The following PLPPR3 variants were observed in gnomAD, a reference collection of about 807,000 sequenced individuals.
PLPPR3 encodes the protein phospholipid phosphatase-related protein type 3.
PLPPR3 carries 14 observed loss-of-function variants against 27.3 expected under a neutral mutation model. The ratio of observed to expected loss-of-function variants is 0.51; its 90% confidence interval spans 0.34 to 0.80. The LOEUF (loss-of-function observed/expected upper bound fraction) is 0.80, where lower values mean the gene tolerates loss of function less well. PLPPR3 is among the 30% of genes least tolerant of loss of function. The pLI is 0.01. For synonymous variants in PLPPR3, 671 were observed against 508.0 expected, an observed-to-expected ratio of 1.32 and a Z score of -4.32; for missense variants, 1,287 against 1,056.9, an observed-to-expected ratio of 1.22 and a Z score of -3.02.
Position 812,687 on chromosome 19 carries a change from G to A in PLPPR3, c.2040C>T (p.Gly680=). 9.5e-7 allele frequency: 1 copy of A among 1,048,070 alleles called. No homozygotes were observed. The highest frequency in any genetic ancestry group is 1.1e-6 in the Non-Finnish European group (1 of 869,694). The allele number at this position is 1,048,070 out of a possible 1,614,324, so 64.9% of individuals were successfully genotyped here. A position where few individuals can be genotyped will look rare whatever the true frequency, so the allele number is the denominator to read the frequency against. ...GGCGCCGCAGCGTGGACTCCCGGCTGCCCGGGCCCAGCGCCCCATCGGCCG... is the reference window on the plus strand; with the variant it reads ...GGCGCCGCAGCGTGGACTCCCGGCTACCCGGGCCCAGCGCCCCATCGGCCG... ...LGAADGALGP[G]SRESTLRRHA... is the part of the protein sequence containing the mutation. Residue 680 remains glycine, a synonymous_variant, in exon 8 of 8, where the codon GGC becomes GGT. Coordinates refer to ENST00000520876, the MANE Select transcript of PLPPR3 (RefSeq NM_001270366.2).
upstream of PLPPR3, among the ~76,000 whole-genome samples, chr19:823,453 A>C (rs1399763335): frequency 2.9e-5 from 4 of 140,104 alleles, no homozygotes; most frequent in Non-Finnish European, 5.9e-5. Flanking sequence ...AAAAAAAAAA[A>C]AAAAACAAAC....
chr19:818,297 C>T (rs183396992), intron 2 of PLPPR3, among the ~76,000 whole-genome samples: 5 of 151,922 alleles, frequency 3.3e-5, no homozygotes, highest in Admixed American at 2.0e-4. Context: ...GTGGGAGAAT[C>T]GTTTGAGGAC....
rs750936117 is a variant in PLPPR3 at position 815,262 on chromosome 19, G to A, written c.327C>T (p.Pro109=). The A allele has an allele frequency of 2.7e-5, 43 of 1,563,712 alleles. 1 individual carries two copies. The highest frequency in any genetic ancestry group is 1.7e-4 in the Middle Eastern group (1 of 6,028). ...CGTTGATGCTGCCCTCCGCCCCGGC[G>A]GGCCCCCCGGCACGGCCCCACAGCC... The part of the protein sequence containing the change: ...QSRLWGRAGG[P]AGAEGSINAG... Residue 109 remains proline, a synonymous_variant, in exon 4 of 8, where the codon CCC becomes CCT. Transcript: ENST00000520876.
intron 2 of PLPPR3, among the ~76,000 whole-genome samples, chr19:816,803 TACCC>T (rs1446769885): frequency 9.6e-6 from 1 of 103,672 alleles, no homozygotes; most frequent in Non-Finnish European, 1.8e-5. Context: ...CACCCAACAG[TACCC>T]ATCCATCCAT....
chr19:818,963 T>C (rs1568287017), intron 2 of PLPPR3, among the ~76,000 whole-genome samples: 1 of 91,724 alleles, frequency 1.1e-5, no homozygotes, highest in Admixed American at 1.2e-4. Flanking sequence ...TCGGCCTTAT[T>C]ATTATTATTT....
At chr19:821,449 G>A (rs1264278537) in intron 2 of PLPPR3, 36 bp downstream of exon 2, 1 of 1,496,868 alleles carries the variant, frequency 6.7e-7, no homozygotes, top group South Asian at 1.3e-5. Context: ...CGGAACCGAG[G>A]CGTCTCCCCC....
chr19:814,084 A>C, intron 7 of PLPPR3, among the ~76,000 whole-genome samples, 189 bp from the exon 8 acceptor site: 1 of 151,574 alleles, frequency 6.6e-6, no homozygotes, highest in African/African-American at 2.4e-5. Context: ...CGGGATTCTG[A>C]CTCCAGCATT....
Position 813,303 on chromosome 19 carries a change from C to G in PLPPR3, c.1424G>C (p.Arg475Pro), listed in dbSNP as rs1033078006. 3.4e-6 allele frequency: 5 copies of G among 1,454,182 alleles called. No individual in the cohort carries two copies. In the Admixed American group the frequency reaches 8.6e-5, roughly 25 times the overall value. The allele number at this position is 1,454,182 out of a possible 1,614,324, so 90.1% of individuals were successfully genotyped here. The change falls in exon 8 of 8, where the codon CGG becomes CCG. Residue 475 changes from arginine to proline, a missense_variant. Transcript: ENST00000520876. The surrounding 1 kb of genome is among the most constrained non-coding windows in gnomAD (Gnocchi z 4.1). Reference protein sequence around the residue: ...PPSLYPTVQARPGLGPRVILP... With the variant: ...PPSLYPTVQAPPGLGPRVILP... ...GATGACCCGAGGCCCCAGCCCCGGC[C>G]GCGCCTGCACGGTGGGGTAGAGCGA...
rs735657 is a variant in PLPPR3, at chr19:815,319, C to T, written c.270G>A (p.Val90=). The T allele has an allele frequency of 0.032, 48,649 of 1,542,088 alleles. 956 individuals carry two copies. Among genetic ancestry groups the T allele is most frequent in the Admixed American group, 0.075 (3,808 of 50,544 alleles). ...AFAAPAASIM[V]AEGMLYCLQS... is the part of the protein sequence containing the mutation. The stretch of plus-strand genomic sequence containing the variant: ...GCAGACAGTACAACATGCCCTCGGC[C>T]ACCATGATCTGCCAACAGGGAGGGG... The change falls in exon 4 of 8, where the codon GTG becomes GTA. Residue 90 remains valine (V), a synonymous_variant. Coordinates refer to ENST00000520876, the MANE Select transcript of PLPPR3 (RefSeq NM_001270366.2).
In PLPPR3 at chr19:813,712, C is replaced by A. The variant is rs1178637656; in HGVS notation, c.1015G>T (p.Val339Leu). The A allele has an allele frequency of 6.6e-7, 1 of 1,524,972 alleles. No individual in the cohort carries two copies. The highest frequency in any genetic ancestry group is 2.0e-5 in the Admixed American group (1 of 48,888). 94.5% of individuals were successfully genotyped at this position (1,524,972 alleles called of 1,614,324 possible). ...PGRLEGAPRP[V>L]AREKTSLGSL... Reference sequence around the variant, plus strand: ...CCCAGCGAGGTCTTCTCGCGGGCCACGGGCCGGGGCGCGCCCTCCAGCCGC... The same window carrying A: ...CCCAGCGAGGTCTTCTCGCGGGCCAAGGGCCGGGGCGCGCCCTCCAGCCGC... The change falls in exon 8 of 8, where the codon GTG becomes TTG. Residue 339 changes from valine to leucine, a missense_variant. Coordinates refer to ENST00000520876, the MANE Select transcript of PLPPR3 (RefSeq NM_001270366.2). The surrounding 1 kb of genome is among the most constrained non-coding windows in gnomAD (Gnocchi z 4.1).
upstream of PLPPR3, among the ~76,000 whole-genome samples, chr19:823,468 A>G (rs1255324129): frequency 6.6e-6 from 1 of 150,978 alleles, no homozygotes; most frequent in Non-Finnish European, 1.5e-5. Context: ...ACAAACAAAC[A>G]GTGACTCCAG....
At chr19:821,642 A>C in intron 1 of PLPPR3, 57 bp from the exon 2 acceptor site, 12 of 979,202 alleles carry the variant, frequency 1.2e-5, no homozygotes, top group Admixed American at 7.9e-5. Flanking sequence ...CGGGGGAGAC[A>C]CGGTGGCCGG....
At chr19:820,984 C>G (rs1401759743) in intron 2 of PLPPR3, among the ~76,000 whole-genome samples, 1 of 152,228 alleles carries the variant, frequency 6.6e-6, no homozygotes, top group Non-Finnish European at 1.5e-5. Context: ...TCATAAACTC[C>G]TCACTATGTG....
intron 7 of PLPPR3, 114 bp from the exon 8 acceptor site, chr19:814,009 T>G: frequency 9.8e-7 from 1 of 1,018,760 alleles, no homozygotes; most frequent in Non-Finnish European, 1.4e-6. Flanking sequence ...GGCAAGCTCT[T>G]GTCCAGTGGG....
At chr19:818,679 G>A (rs2035100031) in intron 2 of PLPPR3, among the ~76,000 whole-genome samples, 4 of 151,586 alleles carry the variant, frequency 2.6e-5, no homozygotes, top group South Asian at 4.2e-4. Context: ...GACTACAGGC[G>A]CCCGCCACCG....
Position 812,942 on chromosome 19 carries a change from C to T in PLPPR3, c.1785G>A (p.Leu595=), listed in dbSNP as rs374041342. 1.7e-4 allele frequency: 234 copies of T among 1,379,046 alleles called. No individual in the cohort carries two copies. The African/African-American group carries it at 2.8e-3, about 16-fold the overall frequency. The allele number at this position is 1,379,046 out of a possible 1,614,324, so 85.4% of individuals were successfully genotyped here. ...ACTCCCAGGGCGCGCCGCCGGCCGA[C>T]AGGTGCACCACGGGGTGGTGCGGCG... is the stretch of plus-strand genomic sequence containing the variant. ...AHAPHHPVVH[L]SAGGAPWEWK... Residue 595 remains leucine, a synonymous_variant, in exon 8 of 8, where the codon CTG becomes CTA. Coordinates refer to ENST00000520876, the MANE Select transcript of PLPPR3 (RefSeq NM_001270366.2).
chr19:812,551 C>CGCCCCCG lies in PLPPR3; in HGVS notation c.*12_*18dup, dbSNP rs960271541. On this transcript the variant is annotated 3_prime_UTR_variant, in exon 8 of 8. Transcript: ENST00000520876. Reference sequence around the variant, plus strand: ...CCGCGCCCTCGGCCCGCCCCCCGCCCGCCCCCGGCCCCGCCGCGCTAGTCG... The same window carrying CGCCCCCG: ...CCGCGCCCTCGGCCCGCCCCCCGCCCGCCCCCGGCCCCCGGCCCCGCCGCGCTAGTCG... 3 of 986,434 alleles carry CGCCCCCG rather than the reference C, an allele frequency of 3.0e-6. No individual in the cohort carries two copies. Among genetic ancestry groups the CGCCCCCG allele is most frequent in the African/African-American group, 1.8e-5 (1 of 56,586 alleles). The allele number at this position is 986,434 out of a possible 1,614,324, so 61.1% of individuals were successfully genotyped here.
Position 813,238 on chromosome 19 carries a change from G to A in PLPPR3, c.1489C>T (p.Pro497Ser), listed in dbSNP as rs1331793161. The A allele has an allele frequency of 6.7e-7, 1 of 1,493,238 alleles. No homozygotes were observed. Among genetic ancestry groups the A allele is most frequent in the Non-Finnish European group, 8.8e-7 (1 of 1,132,376 alleles). 92.5% of individuals were successfully genotyped at this position (1,493,238 alleles called of 1,614,324 possible). ...GCCCCCGTCTGCGCGCCCTCCTCCG[G>A]GATGTGCACCAGCGGCGGCGGCCCC... ...RAGPPPLVHI[P>S]EEGAQTGAGL... The change falls in exon 8 of 8, where the codon CCG (proline) becomes TCG (serine). Residue 497 changes from proline (P) to serine (S), a missense_variant. By Grantham distance (74) the Pro-to-Ser change is moderately conservative (BLOSUM62 -1). Transcript: ENST00000520876. This position sits in a 1 kb window ranked among gnomAD's most constrained non-coding sequence, Gnocchi z 4.1.
rs1272984926 is a variant in PLPPR3 at position 813,369 on chromosome 19, T to A, written c.1358A>T (p.Glu453Val). 1.3e-6 allele frequency: 2 copies of A among 1,493,136 alleles called. No individual in the cohort carries two copies. The highest frequency in any genetic ancestry group is 1.8e-6 in the Non-Finnish European group (2 of 1,129,394). 92.5% of individuals were successfully genotyped at this position (1,493,136 alleles called of 1,614,324 possible). ...EEEEEDEEEE[E>V]EEEEEEDEGP... ...CTCGTCCTCCTCCTCTTCCTCCTCCTCCTCTTCCTCTTCGTCCTCCTCCTC... is the reference window on the plus strand; with the variant it reads ...CTCGTCCTCCTCCTCTTCCTCCTCCACCTCTTCCTCTTCGTCCTCCTCCTC... The change falls in exon 8 of 8, where the codon GAG becomes GTG. Residue 453 changes from glutamate to valine, a missense_variant. Glu to Val is a moderately radical substitution (Grantham distance 121, BLOSUM62 -2). Coordinates refer to ENST00000520876, the MANE Select transcript of PLPPR3 (RefSeq NM_001270366.2). The surrounding 1 kb of genome is among the most constrained non-coding windows in gnomAD (Gnocchi z 4.1).
Sources: allele counts gnomAD v4.1 joint callset (sites outside exome capture counted in the v4.1 genomes callset), GRCh38; gene constraint gnomAD v4.1.1; non-coding constraint Gnocchi (gnomAD v3.1); transcripts MANE v1.5; gene names NCBI Gene and HGNC (gene_info 2026-07-23, HGNC 2026-07-21).